PARD3B: variants seen among roughly 807,000 people sequenced by gnomAD.
The protein encoded by PARD3B is partitioning defective 3 homolog B.
PARD3B carries 103 observed loss-of-function variants against 130.2 expected under a neutral mutation model. The ratio of observed to expected loss-of-function variants is 0.79; its 90% CI spans 0.67 to 0.93. The LOEUF is 0.93. PARD3B is among the 40% of genes least tolerant of loss of function. The pLI is 0.00. For missense variants in PARD3B, 1,609 were observed against 1,499.2 expected (o/e 1.07, Z -1.21); for synonymous variants, 583 against 553.2 (o/e 1.05, Z -0.76).
chr2:205,463,179 A>C lies in PARD3B; in HGVS notation c.3044+22507A>C. ...TGTGTTGCTGATTTTGTCATTTCTG[A>C]ATGCCTAGAACTAAGGAATATCTTG... On this transcript the variant is annotated intron_variant, in intron 20 of 22. Coordinates refer to ENST00000406610, the MANE Select transcript of PARD3B (RefSeq NM_001302769.2). The surrounding 1 kb of genome is among the most constrained non-coding windows in gnomAD (Gnocchi z 4.8). Among the ~76,000 whole-genome samples, 1 of 152,180 alleles carries C rather than the reference A, an allele frequency of 6.6e-6. No homozygotes were observed.
At chr2:204,750,920 C>A (rs1303841358) in intron 2 of PARD3B, among the ~76,000 whole-genome samples, 1 of 152,128 alleles carries the variant, frequency 6.6e-6, no homozygotes. Flanking sequence ...ACCATCCTTA[C>A]TCTACTATTT....
intron 2 of PARD3B, among the ~76,000 whole-genome samples, chr2:204,913,794 T>C (rs1697201958): frequency 6.6e-6 from 1 of 152,224 alleles, no homozygotes; most frequent in South Asian, 2.1e-4. Flanking sequence ...TCAATGTATG[T>C]GTATTATTTT....
chr2:205,363,820 A>C, intron 18 of PARD3B, among the ~76,000 whole-genome samples: 4 of 144,010 alleles, frequency 2.8e-5, no homozygotes, highest in Non-Finnish European at 4.5e-5. Context: ...ATGCGCCACA[A>C]CGCCTGACTG....
At chr2:204,866,037 G>T (rs1014499379) in intron 2 of PARD3B, among the ~76,000 whole-genome samples, 3 of 152,132 alleles carry the variant, frequency 2.0e-5, no homozygotes, top group Non-Finnish European at 4.4e-5. Context: ...CATCCTCATT[G>T]TGTACCTTCA....
chr2:205,305,093 T>C (rs2042143501), intron 18 of PARD3B, among the ~76,000 whole-genome samples: 1 of 152,202 alleles, frequency 6.6e-6, no homozygotes, highest in South Asian at 2.1e-4. Context: ...GTGAGCTTCA[T>C]AGGCAGAAAA....
At chr2:204,863,060 C>T (rs1371551588) in intron 2 of PARD3B, among the ~76,000 whole-genome samples, 1 of 152,130 alleles carries the variant, frequency 6.6e-6, no homozygotes, top group Non-Finnish European at 1.5e-5. Flanking sequence ...CGGGCTCCAT[C>T]CGGGACCAGC....
intron 15 of PARD3B, among the ~76,000 whole-genome samples, chr2:205,201,162 A>G (rs144155585): frequency 1.1e-3 from 174 of 152,332 alleles, no homozygotes; most frequent in African/African-American, 3.9e-3. Context: ...TAAAGATATT[A>G]TGCCTGAAAG....
intron 2 of PARD3B, among the ~76,000 whole-genome samples, chr2:204,900,664 C>CCTT (rs1315459846): frequency 1.3e-5 from 2 of 152,108 alleles, no homozygotes; most frequent in Non-Finnish European, 2.9e-5. Flanking sequence ...TTTTCCTGGA[C>CCTT]CTTCTTTATG....
intron 21 of PARD3B, among the ~76,000 whole-genome samples, chr2:205,507,020 A>G (rs1255765615): frequency 6.6e-6 from 1 of 151,996 alleles, no homozygotes; most frequent in East Asian, 1.9e-4. Context: ...TACCTGAGGT[A>G]GAAAGACAGC....
At chr2:204,895,616 C>A (rs1005493031) in intron 2 of PARD3B, among the ~76,000 whole-genome samples, 5 of 151,862 alleles carry the variant, frequency 3.3e-5, no homozygotes, top group African/African-American at 1.2e-4. Context: ...TTGTTTTATG[C>A]AAATAAATGT....
rs1238133382 is a variant in PARD3B at position 205,351,317 on chromosome 2, A to C, written c.2630+49616A>C. ...CTCCTTTGTGGAGTTGTATCAGGGA[A>C]TAGTCTCTTAATCCCAGTTGGTTGC... On this transcript the variant is annotated intron_variant, in intron 18 of 22. Coordinates refer to ENST00000406610, the MANE Select transcript of PARD3B (RefSeq NM_001302769.2). The surrounding 1 kb of genome is among the most constrained non-coding windows in gnomAD (Gnocchi z 4.2). Among the ~76,000 whole-genome samples the C allele has an allele frequency of 6.6e-6, 1 of 152,202 alleles. No individual in the cohort carries two copies. The highest frequency in any genetic ancestry group is 1.5e-5 in the Non-Finnish European group (1 of 68,032).
In PARD3B at chr2:205,401,788, T is replaced by C. The variant is rs568288732; in HGVS notation, c.2741+665T>C. ...TGTGTAAATGTCTGATTTTCAAACA[T>C]GTAATTGAATGTTCATATTTCTCCT... On this transcript the variant is annotated intron_variant, in intron 19 of 22. Transcript: ENST00000406610. Among the ~76,000 whole-genome samples, 6 of 152,302 alleles carry C rather than the reference T, an allele frequency of 3.9e-5. No homozygotes were observed. In the South Asian group the frequency reaches 8.3e-4, roughly 21 times the overall value.
intron 16 of PARD3B, among the ~76,000 whole-genome samples, chr2:205,298,737 C>G (rs2041882965): frequency 6.6e-6 from 1 of 152,148 alleles, no homozygotes. Context: ...CAGGGTTAAT[C>G]TAGCCTAATA....
At chr2:204,968,861 A>G (rs915056835) in intron 3 of PARD3B, among the ~76,000 whole-genome samples, 3 of 152,236 alleles carry the variant, frequency 2.0e-5, no homozygotes, top group South Asian at 4.1e-4. Flanking sequence ...CTGATGGGGT[A>G]TATATTTTTA....
At chr2:205,499,062 T>G (rs1179221660) in intron 20 of PARD3B, among the ~76,000 whole-genome samples, 1 of 152,170 alleles carries the variant, frequency 6.6e-6, no homozygotes, top group Non-Finnish European at 1.5e-5. Flanking sequence ...ATGAACCAGA[T>G]AAGTAGAATG....
intron 2 of PARD3B, among the ~76,000 whole-genome samples, chr2:204,899,990 G>C: frequency 6.6e-6 from 1 of 151,942 alleles, no homozygotes; most frequent in East Asian, 1.9e-4. Context: ...AGACCTATTG[G>C]ACTTCGTTTG....
chr2:205,047,648 C>A lies in PARD3B; in HGVS notation c.462C>A (p.Ser154Arg), dbSNP rs75070299. The change falls in exon 4 of 23, where the codon AGC (serine) becomes AGA (arginine). Residue 154 changes from serine (S) to arginine (R), a missense_variant. Ser to Arg is a moderately radical substitution (Grantham distance 110, BLOSUM62 -1). Transcript: ENST00000406610. ...VPGPPADTQP[S>R]ASHPGGQSLK... is the part of the protein sequence containing the mutation. Reference sequence around the variant, plus strand: ...GCCCACCTGCTGATACCCAGCCAAGCGCTTCACACCCTGGTGGCCAGAGTC... The same window carrying A: ...GCCCACCTGCTGATACCCAGCCAAGAGCTTCACACCCTGGTGGCCAGAGTC... The A allele has an allele frequency of 3.9e-6, 6 of 1,550,802 alleles. No homozygotes were observed. The highest frequency in any genetic ancestry group is 5.2e-6 in the Non-Finnish European group (6 of 1,146,792).
In PARD3B at chr2:204,555,430, C is replaced by T. The variant is rs148991407; in HGVS notation, c.120+9311C>T. On this transcript the variant is annotated intron_variant, in intron 1 of 22. Coordinates refer to ENST00000406610, the MANE Select transcript of PARD3B (RefSeq NM_001302769.2). Reference sequence around the variant, plus strand: ...AAAATTAGCCAGACGTGGTGGCACACACCTGTAATCCCAGCTACTTGAGAG... The same window carrying T: ...AAAATTAGCCAGACGTGGTGGCACATACCTGTAATCCCAGCTACTTGAGAG... 7.7e-3 allele frequency among the ~76,000 whole-genome samples: 1,178 copies of T among 152,170 alleles called. 18 individuals carry two copies. The highest frequency in any genetic ancestry group is 0.027 in the African/African-American group (1,115 of 41,516).
At chr2:204,676,656 C>T (rs865983115) in intron 1 of PARD3B, among the ~76,000 whole-genome samples, 1 of 142,890 alleles carries the variant, frequency 7.0e-6, no homozygotes, top group Non-Finnish European at 1.5e-5. Context: ...TCCCATTCTA[C>T]TCTATGATTG....
Sources: gnomAD v4.1 joint callset for allele counts (sites outside exome capture counted in the v4.1 genomes callset) on GRCh38, gnomAD v4.1.1 for gene constraint, Gnocchi (gnomAD v3.1) non-coding constraint, MANE v1.5 for transcripts, NCBI Gene and HGNC (gene_info 2026-07-23, HGNC 2026-07-21) for gene names.